Variants in DDX43 observed in about 807,000 individuals in gnomAD.
DDX43 encodes the protein DEAD-box helicase 43, also known as probable ATP-dependent RNA helicase DDX43.
DDX43 carries 50 observed loss-of-function variants against 84.9 expected under a neutral mutation model. The observed-to-expected ratio is 0.59, with a 90% CI of 0.47 to 0.75. The LOEUF is 0.75. DDX43 is among the 30% of genes least tolerant of loss of function. The probability of loss-of-function intolerance (pLI) is 0.00; values close to 1 mark genes in which losing one functional copy is unlikely to be tolerated. For missense variants in DDX43, 689 were observed against 798.6 expected (o/e 0.86, Z 1.65); for synonymous variants, 291 against 266.3 (o/e 1.09, Z -0.90).
At chr6:73,407,639 C>T in intron 8 of DDX43, 24 bp downstream of exon 8, 1 of 1,401,504 alleles carries the variant, frequency 7.1e-7, no homozygotes, top group South Asian at 1.2e-5. Context: ...TTTCCCATTC[C>T]TTCACCAGTA....
At position 73,409,292 on chromosome 6, in the gene DDX43, C is replaced by T; in HGVS notation, c.1224C>T (p.Pro408=). 6.2e-7 allele frequency: 1 copy of T among 1,614,070 alleles called. No homozygotes were observed. Among genetic ancestry groups the T allele is most frequent in the Non-Finnish European group, 8.5e-7 (1 of 1,180,000 alleles). Residue 408 remains proline, a synonymous_variant, in exon 10 of 17, where the codon CCC becomes CCT. Transcript: ENST00000370336. ...ADKMLDMGFE[P]QIMKILLDVR... is the part of the protein sequence containing the mutation. Reference sequence around the variant, plus strand: ...AGATGTTGGACATGGGATTTGAACCCCAGATAATGAAGATTTTGTTAGATG... The same window carrying T: ...AGATGTTGGACATGGGATTTGAACCTCAGATAATGAAGATTTTGTTAGATG...
intron 9 of DDX43, 74 bp from the exon 10 acceptor site, chr6:73,409,174 C>T (rs920577994): frequency 1.8e-6 from 2 of 1,095,576 alleles, no homozygotes; most frequent in Admixed American, 3.6e-5. Context: ...TAGTGTTCTA[C>T]TAATAAAGAA....
chr6:73,415,426 A>C lies in DDX43; in HGVS notation c.1746-71A>C, dbSNP rs1025093861. 3 of 1,121,604 alleles carry C rather than the reference A, an allele frequency of 2.7e-6. No homozygotes were observed. The East Asian group carries it at 7.3e-5, about 27-fold the overall frequency. The allele number at this position is 1,121,604 out of a possible 1,614,324, so 69.5% of individuals were successfully genotyped here. On this transcript the variant is annotated intron_variant, in intron 14 of 16. Transcript: ENST00000370336. ...CTTAATACATTCCAGCTTCTGTGAA[A>C]AAGTTTTCATTTGTCTTATTCTGTA...
At chr6:73,398,887 T>C (rs1467914317) in intron 2 of DDX43, among the ~76,000 whole-genome samples, 1 of 152,222 alleles carries the variant, frequency 6.6e-6, no homozygotes, top group African/African-American at 2.4e-5. Context: ...ACTAACTGTA[T>C]GTCCTGCTTC....
chr6:73,408,500 A>C (rs1478328338), intron 9 of DDX43, among the ~76,000 whole-genome samples: 1 of 152,228 alleles, frequency 6.6e-6, no homozygotes, highest in African/African-American at 2.4e-5. Context: ...TAATAGTTTT[A>C]ATCAACTCCC....
rs765755650 is a variant in DDX43, at chr6:73,416,202, A to G, written c.1923A>G (p.Gln641=). 6.3e-7 allele frequency: 1 copy of G among 1,592,490 alleles called. No homozygotes were observed. The highest frequency in any genetic ancestry group is 8.6e-7 in the Non-Finnish European group (1 of 1,160,248). The change falls in exon 16 of 17, where the codon CAA becomes CAG. Residue 641 remains glutamine, a synonymous_variant. Coordinates refer to ENST00000370336, the MANE Select transcript of DDX43 (RefSeq NM_018665.3). ...TGGAAAGAAAAATGGAAAGACCTCA[A>G]GGAAGGCCCAAGAAGTTTCATTAAT... ...REMERKMERP[Q]GRPKKFH is the part of the protein sequence containing the mutation.
At chr6:73,404,324 C>G (rs1562283974) in intron 4 of DDX43, among the ~76,000 whole-genome samples, 1 of 152,134 alleles carries the variant, frequency 6.6e-6, no homozygotes, top group South Asian at 2.1e-4. Context: ...AACTCCTGAC[C>G]TCAGGTGATC....
rs187492308 is a variant in DDX43 at position 73,413,628 on chromosome 6, T to C, written c.1369-30T>C. On this transcript the variant is annotated intron_variant, in intron 11 of 16. Coordinates refer to ENST00000370336, the MANE Select transcript of DDX43 (RefSeq NM_018665.3). ...GGTCTCACCCTCAATCATGATGACC[T>C]TGATGAACTATGTTCTTTGAATCCT... 579 of 1,606,586 alleles carry C rather than the reference T, an allele frequency of 3.6e-4. 1 individual carries two copies. The African/African-American group carries it at 7.1e-3, about 20-fold the overall frequency.
chr6:73,408,644 C>T (rs1229223543), intron 9 of DDX43, among the ~76,000 whole-genome samples: 1 of 151,898 alleles, frequency 6.6e-6, no homozygotes, highest in Non-Finnish European at 1.5e-5. Flanking sequence ...GCAACCTTCG[C>T]CTCCCAGGTT....
At chr6:73,395,206 G>A in intron 1 of DDX43, 51 bp downstream of exon 1, 1 of 1,535,894 alleles carries the variant, frequency 6.5e-7, no homozygotes, top group Non-Finnish European at 8.8e-7. Context: ...CAGGGGCGGA[G>A]CCTGGGCGAA....
intron 1 of DDX43, among the ~76,000 whole-genome samples, chr6:73,395,489 C>T (rs1240715107): frequency 6.6e-6 from 1 of 151,918 alleles, no homozygotes; most frequent in Non-Finnish European, 1.5e-5. Flanking sequence ...TGGCGCGCGC[C>T]TGTAATCCCA....
intron 7 of DDX43, among the ~76,000 whole-genome samples, chr6:73,406,814 G>C (rs1342958370): frequency 6.6e-6 from 1 of 152,122 alleles, no homozygotes; most frequent in East Asian, 1.9e-4. Flanking sequence ...GGCTGGTATT[G>C]GGAAGTTGGG....
intron 10 of DDX43, among the ~76,000 whole-genome samples, chr6:73,411,598 G>A (rs1769785803): frequency 1.3e-5 from 2 of 152,072 alleles, no homozygotes; most frequent in African/African-American, 4.8e-5. Context: ...GCAAAGTGCT[G>A]GGATTACAGG....
intron 3 of DDX43, among the ~76,000 whole-genome samples, 189 bp from the exon 4 acceptor site, chr6:73,401,670 C>T (rs952725290): frequency 1.3e-5 from 2 of 151,946 alleles, no homozygotes; most frequent in Admixed American, 6.6e-5. Context: ...GGCGTTGCGG[C>T]GTGTGCCTGT....
chr6:73,409,526 G>A (rs1769746576), intron 10 of DDX43, among the ~76,000 whole-genome samples, 178 bp downstream of exon 10: 1 of 152,098 alleles, frequency 6.6e-6, no homozygotes, highest in African/African-American at 2.4e-5. Flanking sequence ...CATGACTATT[G>A]GGTTTCCTAA....
Position 73,407,489 on chromosome 6 carries a change from T to G in DDX43, c.927-16T>G. On this transcript the variant is annotated splice_polypyrimidine_tract_variant and intron_variant, in intron 7 of 16. Coordinates refer to ENST00000370336, the MANE Select transcript of DDX43 (RefSeq NM_018665.3). ...TGAGACAAGTAATTTAATATTAATC[T>G]GTTTTCTCTCCAAAGCCTTAAAGGT... The G allele has an allele frequency of 2.0e-6, 3 of 1,512,292 alleles. No homozygotes were observed. The highest frequency in any genetic ancestry group is 2.7e-6 in the Non-Finnish European group (3 of 1,092,236). 93.7% of individuals were successfully genotyped at this position (1,512,292 alleles called of 1,614,324 possible).
In DDX43 at chr6:73,400,232, A is replaced by G. The variant is rs374678810; in HGVS notation, c.307-2A>G. ...CTCACCTCTTTTTCCCCTTGTACCT[A>G]GATAATACAAGAACAACCAGAATCA... On this transcript the variant is annotated splice_acceptor_variant, in intron 2 of 16. Coordinates refer to ENST00000370336, the MANE Select transcript of DDX43 (RefSeq NM_018665.3). LOFTEE classifies it high-confidence loss of function. 6.3e-7 allele frequency: 1 copy of G among 1,594,420 alleles called. No individual in the cohort carries two copies. The highest frequency in any genetic ancestry group is 8.5e-7 in the Non-Finnish European group (1 of 1,173,984).
At chr6:73,409,226 A>G (rs1382820380) in intron 9 of DDX43, 22 bp from the exon 10 acceptor site, 1 of 1,585,786 alleles carries the variant, frequency 6.3e-7, no homozygotes, top group Non-Finnish European at 8.7e-7. Context: ...TAATCTAACC[A>G]CATTCTTTTT....
intron 10 of DDX43, among the ~76,000 whole-genome samples, chr6:73,411,264 G>A (rs117997312): frequency 0.02 from 3,012 of 149,126 alleles, 49 homozygotes; most frequent in East Asian, 0.056. Context: ...TTTTTTTGTC[G>A]TTTATAAAGG....
Sources: gnomAD v4.1 joint callset for allele counts (sites outside exome capture counted in the v4.1 genomes callset) on GRCh38, gnomAD v4.1.1 for gene constraint, MANE v1.5 for transcripts, NCBI Gene and HGNC (gene_info 2026-07-23, HGNC 2026-07-21) for gene names.